TBX5: variants seen among roughly 807,000 people sequenced by gnomAD.
TBX5 encodes the protein T-box transcription factor 5.
A neutral mutation model predicts 51.1 loss-of-function variants in TBX5; 8 were observed. That is an observed-to-expected ratio of 0.16 (90% CI 0.09 to 0.28). The LOEUF (loss-of-function observed/expected upper bound fraction) is 0.28, where lower values mean the gene tolerates loss of function less well. Among genes scored for constraint, TBX5 ranks in the 10% least tolerant of loss-of-function variants. The probability of loss-of-function intolerance (pLI) is 1.00; values close to 1 mark genes in which losing one functional copy is unlikely to be tolerated. For missense variants in TBX5, 589 were observed against 671.7 expected (o/e 0.88, Z 1.36); for synonymous variants, 302 against 266.4 (o/e 1.13, Z -1.30).
At chr12:114,388,920 A>C (rs1332828306) in intron 6 of TBX5, among the ~76,000 whole-genome samples, 2 of 150,588 alleles carry the variant, frequency 1.3e-5, no homozygotes, top group African/African-American at 4.9e-5. Flanking sequence ...TGTAGCTTTC[A>C]GATTTTTTAT....
chr12:114,360,436 GTGGGTGGATGGA>G (rs1253504157), intron 8 of TBX5, among the ~76,000 whole-genome samples: 1 of 151,262 alleles, frequency 6.6e-6, no homozygotes, highest in African/African-American at 2.4e-5. Context: ...TGGTGGATGA[GTGGGTGGATGGA>G]TGGGTGGTTG....
chr12:114,367,864 A>C (rs1198752354), intron 7 of TBX5, among the ~76,000 whole-genome samples: 2 of 152,198 alleles, frequency 1.3e-5, no homozygotes, highest in Non-Finnish European at 2.9e-5. Context: ...TATTTCAAAT[A>C]TAATTGGCTT....
intron 7 of TBX5, among the ~76,000 whole-genome samples, chr12:114,368,604 T>A (rs1426328423): frequency 6.6e-6 from 1 of 152,232 alleles, no homozygotes; most frequent in African/African-American, 2.4e-5. Context: ...TCCAATCATT[T>A]CCTCATAACT....
At chr12:114,402,011 T>G in intron 2 of TBX5, 91 bp from the exon 3 acceptor site, 1 of 1,115,148 alleles carries the variant, frequency 9.0e-7, no homozygotes, top group Non-Finnish European at 1.4e-6. Flanking sequence ...AGACTGCTCC[T>G]CCTTCCCGCT....
chr12:114,379,046 G>A (rs1312163205), intron 7 of TBX5, among the ~76,000 whole-genome samples: 1 of 152,196 alleles, frequency 6.6e-6, no homozygotes, highest in Non-Finnish European at 1.5e-5. Flanking sequence ...GTGGACAACA[G>A]CTGAGGTCCC....
At chr12:114,360,045 C>T (rs1869147672) in intron 8 of TBX5, among the ~76,000 whole-genome samples, 1 of 152,180 alleles carries the variant, frequency 6.6e-6, no homozygotes, top group Admixed American at 6.5e-5. Context: ...AAATACTAAT[C>T]CTATTGAGCA....
rs138921444 is a variant in TBX5 at position 114,391,158 on chromosome 12, G to A, written c.663+3583C>T. ...GGCCCTTATTTTTCCAAATTGTCTT[G>A]GCAATTTAATCACATGCATTGCTTT... On this transcript the variant is annotated intron_variant, in intron 6 of 8. Coordinates refer to ENST00000405440, the MANE Select transcript of TBX5 (RefSeq NM_181486.4). Among the ~76,000 whole-genome samples the A allele has an allele frequency of 1.2e-4, 18 of 152,214 alleles. No homozygotes were observed. In the East Asian group the frequency reaches 3.3e-3, roughly 28 times the overall value.
At chr12:114,399,037 A>G (rs796292617) in intron 4 of TBX5, among the ~76,000 whole-genome samples, 9 of 152,298 alleles carry the variant, frequency 5.9e-5, no homozygotes, top group African/African-American at 2.2e-4. Flanking sequence ...CGGGGGTTTC[A>G]TCGTCAGGCC....
Position 114,399,465 on chromosome 12 carries a change from G to A in TBX5, c.362+48C>T, listed in dbSNP as rs367994558. On this transcript the variant is annotated intron_variant, in intron 4 of 8. Transcript: ENST00000405440. ...ACAACTTTTCAACTTTTTGGGAGAA[G>A]GTTCCACTTTTCTCTCTCCCCGCTC... 128 of 1,612,656 alleles carry A rather than the reference G, an allele frequency of 7.9e-5. No individual in the cohort carries two copies. The Middle Eastern group carries it at 1.8e-3, about 23-fold the overall frequency.
In TBX5 at chr12:114,403,815, G is replaced by A; in HGVS notation, c.84C>T (p.Pro28=). 1 of 1,614,122 alleles carries A rather than the reference G, an allele frequency of 6.2e-7. No homozygotes were observed. Among genetic ancestry groups the A allele is most frequent in the Non-Finnish European group, 8.5e-7 (1 of 1,180,028 alleles). The change falls in exon 2 of 9, where the codon CCC becomes CCT. Residue 28 remains proline (P), a synonymous_variant. Transcript: ENST00000405440. The part of the protein sequence containing the change: ...DAKDLPCDSK[P]ESALGAPSKS... ...TGCTGGGGGCCCCGAGCGCGCTCTC[G>A]GGTTTCGAATCGCAGGGCAGGTCTT... is the stretch of plus-strand genomic sequence containing the variant.
chr12:114,367,540 G>C (rs1353512039), intron 7 of TBX5, among the ~76,000 whole-genome samples: 1 of 151,846 alleles, frequency 6.6e-6, no homozygotes, highest in African/African-American at 2.4e-5. Flanking sequence ...TTTTTCCTCA[G>C]AAGGACTCAG....
At chr12:114,388,050 T>C (rs1324378132) in intron 6 of TBX5, among the ~76,000 whole-genome samples, 1 of 152,176 alleles carries the variant, frequency 6.6e-6, no homozygotes, top group Non-Finnish European at 1.5e-5. Context: ...GGTTTTGCCA[T>C]GTTGTCCAGG....
intron 5 of TBX5, among the ~76,000 whole-genome samples, chr12:114,397,071 TG>T (rs1161691346): frequency 1.3e-5 from 2 of 152,178 alleles, no homozygotes; most frequent in African/African-American, 4.8e-5. Flanking sequence ...TCCCAGATCC[TG>T]GGGACTTCAG....
intron 7 of TBX5, among the ~76,000 whole-genome samples, chr12:114,381,189 C>A (rs1048971581): frequency 2.0e-5 from 3 of 152,180 alleles, no homozygotes; most frequent in Non-Finnish European, 4.4e-5. Context: ...CCAAGCAAAT[C>A]CAAAAGTTAT....
intron 7 of TBX5, among the ~76,000 whole-genome samples, chr12:114,382,414 A>T (rs1334936883): frequency 6.6e-6 from 1 of 152,250 alleles, no homozygotes; most frequent in Admixed American, 6.5e-5. Flanking sequence ...CTGTAATCCC[A>T]GCACTTTGGG....
intron 8 of TBX5, among the ~76,000 whole-genome samples, chr12:114,359,112 C>T (rs558922604): frequency 5.3e-5 from 8 of 152,250 alleles, no homozygotes; most frequent in Non-Finnish European, 1.0e-4. Context: ...AATAAGAAAA[C>T]GGCCGGAACA....
intron 7 of TBX5, among the ~76,000 whole-genome samples, chr12:114,384,065 C>A (rs1441498224): frequency 2.6e-5 from 4 of 152,128 alleles, no homozygotes; most frequent in South Asian, 4.1e-4. Flanking sequence ...TTTCCACTGA[C>A]CCTATGGCCC....
chr12:114,368,149 T>C (rs894507836), intron 7 of TBX5, among the ~76,000 whole-genome samples: 4 of 152,206 alleles, frequency 2.6e-5, no homozygotes, highest in Admixed American at 2.0e-4. Context: ...ATCTGTGAAA[T>C]TACAGGCTTG....
intron 6 of TBX5, among the ~76,000 whole-genome samples, chr12:114,386,315 G>A (rs187320594): frequency 7.2e-5 from 11 of 152,112 alleles, no homozygotes; most frequent in Non-Finnish European, 1.2e-4. Context: ...ATCCATCAAC[G>A]CATTATATTA....
Sources: allele counts gnomAD v4.1 joint callset (sites outside exome capture counted in the v4.1 genomes callset), GRCh38; gene constraint gnomAD v4.1.1; transcripts MANE v1.5; gene names NCBI Gene and HGNC (gene_info 2026-07-23, HGNC 2026-07-21).